Variants in C6orf132 observed in about 807,000 individuals in gnomAD.
C6orf132 encodes the protein chromosome 6 open reading frame 132.
In C6orf132, 43 loss-of-function variants were observed where a neutral mutation model predicts 65.3. The ratio of observed to expected loss-of-function variants is 0.66; its 90% CI spans 0.52 to 0.85. The LOEUF (loss-of-function observed/expected upper bound fraction) is 0.85, where lower values mean the gene tolerates loss of function less well. Ranked by LOEUF, C6orf132 falls within the 40% of genes least tolerant of loss-of-function variation. The pLI is 0.00. For synonymous variants in C6orf132, 631 were observed against 654.1 expected (o/e 0.96, Z 0.54); for missense variants, 1,488 against 1,548.8 (o/e 0.96, Z 0.66).
intron 2 of C6orf132, among the ~76,000 whole-genome samples, chr6:42,119,410 T>C (rs911974037): frequency 7.5e-6 from 1 of 133,160 alleles, no homozygotes; most frequent in Admixed American, 8.5e-5. Context: ...AGTGGTGCAA[T>C]TTCGGCTCAC....
chr6:42,128,593 G>T, intron 2 of C6orf132, 79 bp downstream of exon 2: 1 of 1,066,900 alleles, frequency 9.4e-7, no homozygotes, highest in Non-Finnish European at 1.4e-6. Context: ...GGGTGCAGCT[G>T]ATGTCCACTC....
intron 1 of C6orf132, among the ~76,000 whole-genome samples, chr6:42,132,889 G>GAAAAGAAAAGAA (rs1237413208): frequency 6.6e-6 from 1 of 151,160 alleles, no homozygotes; most frequent in African/African-American, 2.4e-5. Context: ...GAAAAGAAAA[G>GAAAAGAAAAGAA]AAAAGGAGGT....
chr6:42,119,776 T>A (rs1338671840), intron 2 of C6orf132, among the ~76,000 whole-genome samples: 1 of 150,924 alleles, frequency 6.6e-6, no homozygotes, highest in East Asian at 2.0e-4. Context: ...GTGAGCCACC[T>A]CACCTGGCCA....
chr6:42,130,961 G>C (rs1204380277), intron 1 of C6orf132, among the ~76,000 whole-genome samples: 1 of 152,116 alleles, frequency 6.6e-6, no homozygotes, highest in Non-Finnish European at 1.5e-5. Context: ...TCTCGGCTCA[G>C]TGCAACCTGT....
intron 1 of C6orf132, among the ~76,000 whole-genome samples, chr6:42,132,704 C>T (rs1457947436): frequency 6.7e-6 from 1 of 149,762 alleles, no homozygotes; most frequent in Non-Finnish European, 1.5e-5. Flanking sequence ...AAAAATTAGC[C>T]GGATGTGGTG....
chr6:42,103,327 A>C lies in C6orf132; in HGVS notation c.*434T>G. ...ACAGAGCTGGGCCTCAGCCCTTTGCAAGGGCCTGACAGGCAATCACAGCTA... is the reference window on the plus strand; with the variant it reads ...ACAGAGCTGGGCCTCAGCCCTTTGCCAGGGCCTGACAGGCAATCACAGCTA... On this transcript the variant is annotated 3_prime_UTR_variant, in exon 5 of 5. Coordinates refer to ENST00000341865, the MANE Select transcript of C6orf132 (RefSeq NM_001164446.3). 1 of 397,474 alleles carries C rather than the reference A, an allele frequency of 2.5e-6. No homozygotes were observed. 24.6% of individuals were successfully genotyped at this position (397,474 alleles called of 1,614,324 possible). A position where few individuals can be genotyped will look rare whatever the true frequency, so the allele number is the denominator to read the frequency against.
rs1174263449 is a variant in C6orf132, at chr6:42,103,637, G to T, written c.*124C>A. ...TCATCGTTGGTCTTTGGGGATCAAA[G>T]ACTCCTCTGTGTCTGAGTCAGGTCG... On this transcript the variant is annotated 3_prime_UTR_variant, in exon 5 of 5. Coordinates refer to ENST00000341865, the MANE Select transcript of C6orf132 (RefSeq NM_001164446.3). 2.1e-6 allele frequency: 1 copy of T among 474,770 alleles called. No individual in the cohort carries two copies. Among genetic ancestry groups the T allele is most frequent in the Non-Finnish European group, 3.4e-6 (1 of 291,214 alleles). 29.4% of individuals were successfully genotyped at this position (474,770 alleles called of 1,614,324 possible). A position where few individuals can be genotyped will look rare whatever the true frequency, so the allele number is the denominator to read the frequency against.
Position 42,142,327 on chromosome 6 carries a change from C to G in C6orf132, c.118G>C (p.Ala40Pro). The G allele has an allele frequency of 6.4e-7, 1 of 1,551,240 alleles. No homozygotes were observed. The change falls in exon 1 of 5, where the codon GCC (alanine) becomes CCC (proline). Residue 40 changes from alanine to proline, a missense_variant. Transcript: ENST00000341865. ...TNPPWIFTQE[A>P]PEEGTGGFDG... ...AAGCCCCCGGTCCCCTCCTCCGGGGCCTCCTGGGTGAAGATCCAGGGCGGA... is the reference window on the plus strand; with the variant it reads ...AAGCCCCCGGTCCCCTCCTCCGGGGGCTCCTGGGTGAAGATCCAGGGCGGA...
intron 2 of C6orf132, among the ~76,000 whole-genome samples, chr6:42,114,410 T>G (rs1031922415): frequency 2.1e-5 from 3 of 145,298 alleles, no homozygotes; most frequent in Non-Finnish European, 4.5e-5. Context: ...CTGGCCCTTT[T>G]CTTTCCCACT....
chr6:42,101,470 A>C lies in C6orf132; in HGVS notation c.*2291T>G, dbSNP rs747847182. 6.6e-6 allele frequency: 1 copy of C among 152,244 alleles called. No homozygotes were observed. The highest frequency in any genetic ancestry group is 1.5e-5 in the Non-Finnish European group (1 of 68,050). 9.4% of individuals were successfully genotyped at this position (152,244 alleles called of 1,614,324 possible). A position where few individuals can be genotyped will look rare whatever the true frequency, so the allele number is the denominator to read the frequency against. Reference sequence around the variant, plus strand: ...CATGTGGGTGAGCTGATGGCAGTCTATCCATACTAAGCACAGTGGCTTGTA... The same window carrying C: ...CATGTGGGTGAGCTGATGGCAGTCTCTCCATACTAAGCACAGTGGCTTGTA... On this transcript the variant is annotated 3_prime_UTR_variant, in exon 5 of 5. Transcript: ENST00000341865.
At chr6:42,121,719 G>A (rs1766687188) in intron 2 of C6orf132, among the ~76,000 whole-genome samples, 1 of 152,252 alleles carries the variant, frequency 6.6e-6, no homozygotes, top group Admixed American at 6.5e-5. Context: ...ACTCCTCCTG[G>A]AGCCTGGTCT....
At chr6:42,137,645 C>G (rs1215466696) in intron 1 of C6orf132, among the ~76,000 whole-genome samples, 5 of 152,032 alleles carry the variant, frequency 3.3e-5, no homozygotes, top group African/African-American at 1.2e-4. Context: ...GCAGGGAGTC[C>G]TAAAGGGAAA....
rs759748626 is a variant in C6orf132 at position 42,105,884 on chromosome 6, T to A, written c.2028A>T (p.Thr676=). The A allele has an allele frequency of 1.9e-5, 29 of 1,537,098 alleles. No individual in the cohort carries two copies. In the South Asian group the frequency reaches 3.4e-4, roughly 18 times the overall value. ...TLGPATPLKA[T]SGPTTPLKAT... ...CCTTGAGTGGTGTGGTTGGCCCAGA[T>A]GTGGCCTTGAGTGGTGTGGCTGGCC... Residue 676 remains threonine, a synonymous_variant, in exon 4 of 5, where the codon ACA becomes ACT. Coordinates refer to ENST00000341865, the MANE Select transcript of C6orf132 (RefSeq NM_001164446.3).
intron 2 of C6orf132, among the ~76,000 whole-genome samples, chr6:42,113,910 C>T (rs978983023): frequency 1.6e-4 from 25 of 152,108 alleles, no homozygotes; most frequent in African/African-American, 5.8e-4. Context: ...GAGATAATAT[C>T]CCTAACCCAG....
intron 2 of C6orf132, among the ~76,000 whole-genome samples, chr6:42,115,416 G>T (rs1433603287): frequency 6.6e-6 from 1 of 152,014 alleles, no homozygotes; most frequent in Non-Finnish European, 1.5e-5. Context: ...GGAGGCTGAG[G>T]CGGGCGGATC....
chr6:42,128,227 A>G (rs891875546), intron 2 of C6orf132, among the ~76,000 whole-genome samples: 2 of 152,140 alleles, frequency 1.3e-5, no homozygotes, highest in East Asian at 1.9e-4. Context: ...ACTGGCCACA[A>G]TGACACTCTT....
chr6:42,107,571 A>G lies in C6orf132; in HGVS notation c.341T>C (p.Leu114Pro). The G allele has an allele frequency of 1.3e-6, 2 of 1,550,726 alleles. No homozygotes were observed. The highest frequency in any genetic ancestry group is 1.7e-6 in the Non-Finnish European group (2 of 1,146,698). Residue 114 changes from leucine (L) to proline (P), a missense_variant, in exon 4 of 5, where the codon CTA (leucine) becomes CCA (proline). Leu to Pro is a moderately conservative substitution (Grantham distance 98). Transcript: ENST00000341865. ...GTACAGTCGGAGGTTGCCATTGACTAGTGAGCTGGTACCTGAAAGAAGGAG... is the reference window on the plus strand; with the variant it reads ...GTACAGTCGGAGGTTGCCATTGACTGGTGAGCTGGTACCTGAAAGAAGGAG... ...ADKEVTGTSS[L>P]VNGNLRLYSS...
chr6:42,113,038 T>G (rs902091254), intron 2 of C6orf132, among the ~76,000 whole-genome samples: 2 of 152,140 alleles, frequency 1.3e-5, no homozygotes, highest in African/African-American at 2.4e-5. Context: ...TGTTCTCAAC[T>G]TTTCTCAAAC....
intron 1 of C6orf132, among the ~76,000 whole-genome samples, chr6:42,131,647 G>A (rs1360764317): frequency 6.6e-6 from 1 of 152,206 alleles, no homozygotes; most frequent in Non-Finnish European, 1.5e-5. Context: ...AGGTGAGGCA[G>A]CTTGTTCGAA....
Sources: allele counts gnomAD v4.1 joint callset (sites outside exome capture counted in the v4.1 genomes callset), GRCh38; gene constraint gnomAD v4.1.1; transcripts MANE v1.5; gene names NCBI Gene and HGNC (gene_info 2026-07-23, HGNC 2026-07-21).